The following RPTOR variants were observed in gnomAD, a reference collection of about 807,000 sequenced individuals.
RPTOR encodes regulatory-associated protein of mTOR.
RPTOR carries 21 observed loss-of-function variants against 169.9 expected under a neutral mutation model. The observed-to-expected ratio is 0.12, with a 90% CI of 0.09 to 0.18. The LOEUF is 0.18. Ranked by LOEUF, RPTOR falls within the 10% of genes least tolerant of loss-of-function variation. RPTOR has a pLI of 1.00. For synonymous variants in RPTOR, 732 were observed against 753.2 expected (o/e 0.97, Z 0.46); for missense variants, 1,133 against 1,855.9 (o/e 0.61, Z 7.16).
intron 1 of RPTOR, among the ~76,000 whole-genome samples, chr17:80,589,654 T>G (rs1476135487): frequency 6.6e-6 from 1 of 152,252 alleles, no homozygotes; most frequent in Non-Finnish European, 1.5e-5. Flanking sequence ...GTTAGATATA[T>G]TCCCAGAATT....
intron 14 of RPTOR, among the ~76,000 whole-genome samples, chr17:80,880,889 A>G (rs2068179690): frequency 6.6e-6 from 1 of 152,218 alleles, no homozygotes; most frequent in African/African-American, 2.4e-5. Context: ...GCACAAGAAG[A>G]TATCGAAGCA....
intron 9 of RPTOR, among the ~76,000 whole-genome samples, chr17:80,837,661 G>C (rs974932509): frequency 6.6e-6 from 1 of 152,180 alleles, no homozygotes; most frequent in Non-Finnish European, 1.5e-5. Flanking sequence ...ATTTTAAAGA[G>C]AAAAAATGTG....
intron 21 of RPTOR, among the ~76,000 whole-genome samples, chr17:80,917,350 G>A (rs1169189784): frequency 3.3e-5 from 5 of 152,120 alleles, no homozygotes; most frequent in Non-Finnish European, 2.9e-5. Context: ...CCGACCTCCA[G>A]TGATCCACCT....
At chr17:80,574,756 A>G (rs2064945078) in intron 1 of RPTOR, among the ~76,000 whole-genome samples, 1 of 151,572 alleles carries the variant, frequency 6.6e-6, no homozygotes, top group Non-Finnish European at 1.5e-5. Context: ...CCTGAGCTCA[A>G]GCGGTCTTCC....
chr17:80,746,918 T>G lies in RPTOR; in HGVS notation c.655-7092T>G, dbSNP rs955045193. ...TTTGGCTTGAATGTCAGGATGTTTT[T>G]TAAAAATGCTAGGTTCTGGGTGGGT... On this transcript the variant is annotated intron_variant, in intron 5 of 33. Coordinates refer to ENST00000306801, the MANE Select transcript of RPTOR (RefSeq NM_020761.3). The surrounding 1 kb of genome is among the most constrained non-coding windows in gnomAD (Gnocchi z 4.5). Among the ~76,000 whole-genome samples, 2 of 118,930 alleles carry G rather than the reference T, an allele frequency of 1.7e-5. No individual in the cohort carries two copies. Among genetic ancestry groups the G allele is most frequent in the South Asian group, 6.3e-4 (2 of 3,186 alleles). The allele number at this position is 118,930 out of a possible 152,430, so 78.0% of individuals were successfully genotyped here. A position where few individuals can be genotyped will look rare whatever the true frequency, so the allele number is the denominator to read the frequency against.
At chr17:80,788,639 T>C (rs1476450585) in intron 6 of RPTOR, among the ~76,000 whole-genome samples, 1 of 152,176 alleles carries the variant, frequency 6.6e-6, no homozygotes, top group South Asian at 2.1e-4. Flanking sequence ...CATTGTCTTT[T>C]TAATATTCTT....
intron 3 of RPTOR, among the ~76,000 whole-genome samples, chr17:80,686,709 C>T (rs191081419): frequency 2.4e-3 from 363 of 152,204 alleles, no homozygotes; most frequent in Non-Finnish European, 3.9e-3. Context: ...CTCAAGCACT[C>T]CACTAAATAT....
In RPTOR at chr17:80,962,946, C is replaced by T. The variant is rs2069364856; in HGVS notation, c.3828C>T (p.Phe1276=). The change falls in exon 33 of 34, where the codon TTC becomes TTT. Residue 1276 remains phenylalanine (F), a synonymous_variant. Transcript: ENST00000306801. ...DLIACGSVNQ[F]TAIYNSSGEL... is the part of the protein sequence containing the mutation. ...CCCACAGTGGCTCCGTCAATCAGTT[C>T]ACCGCCATCTACAACAGCAGCGGAG... The T allele has an allele frequency of 1.2e-6, 2 of 1,613,690 alleles. No homozygotes were observed. Among genetic ancestry groups the T allele is most frequent in the Non-Finnish European group, 1.7e-6 (2 of 1,179,966 alleles).
chr17:80,963,912 G>A (rs947861095), intron 33 of RPTOR, among the ~76,000 whole-genome samples: 2 of 152,040 alleles, frequency 1.3e-5, no homozygotes, highest in African/African-American at 2.4e-5. Flanking sequence ...GCTTCAGGCC[G>A]TTGTTTTTAG....
chr17:80,751,392 T>C (rs971449420), intron 5 of RPTOR, among the ~76,000 whole-genome samples: 3 of 152,198 alleles, frequency 2.0e-5, no homozygotes, highest in Non-Finnish European at 4.4e-5. Context: ...GGGGACTCTG[T>C]GTCCTCGTCG....
chr17:80,947,377 T>C lies in RPTOR; in HGVS notation c.3265+26T>C, dbSNP rs751721989. 7 of 1,526,262 alleles carry C rather than the reference T, an allele frequency of 4.6e-6. No homozygotes were observed. The Admixed American group carries it at 6.6e-5, about 14-fold the overall frequency. The allele number at this position is 1,526,262 out of a possible 1,614,324, so 94.5% of individuals were successfully genotyped here. ...GTGAGCGGGGTTTGCACAGCCAGGA[T>C]TGGAAGCCAGGGTCTGGAGGAGTGG... On this transcript the variant is annotated intron_variant, in intron 27 of 33. Transcript: ENST00000306801. This position sits in a 1 kb window ranked among gnomAD's most constrained non-coding sequence, Gnocchi z 4.4.
chr17:80,670,809 C>T lies in RPTOR; in HGVS notation c.348+26999C>T, dbSNP rs182940337. 3.5e-3 allele frequency among the ~76,000 whole-genome samples: 535 copies of T among 152,220 alleles called. 1 individual carries two copies. The highest frequency in any genetic ancestry group is 5.4e-3 in the Non-Finnish European group (365 of 68,002). On this transcript the variant is annotated intron_variant, in intron 3 of 33. Coordinates refer to ENST00000306801, the MANE Select transcript of RPTOR (RefSeq NM_020761.3). ...TAATCAGCCCCCCAACTCCCCCCCA[C>T]ATTCATTTCTGATTACTCTGAAGCA...
intron 20 of RPTOR, among the ~76,000 whole-genome samples, chr17:80,903,276 C>T (rs371090429): frequency 4.6e-5 from 7 of 152,336 alleles, no homozygotes; most frequent in Admixed American, 3.3e-4. Context: ...CACCTGAACA[C>T]GGGATTCTGC....
chr17:80,732,303 G>A (rs1598264249), intron 5 of RPTOR, among the ~76,000 whole-genome samples: 1 of 152,180 alleles, frequency 6.6e-6, no homozygotes, highest in African/African-American at 2.4e-5. Context: ...ATTAAAACAT[G>A]TTAAATAGAG....
intron 9 of RPTOR, among the ~76,000 whole-genome samples, chr17:80,833,353 T>TA (rs1260773904): frequency 6.6e-6 from 1 of 152,184 alleles, no homozygotes; most frequent in Non-Finnish European, 1.5e-5. Context: ...TGGTCACAGC[T>TA]AATCACAGCC....
At chr17:80,889,455 G>A (rs2143859135) in intron 17 of RPTOR, among the ~76,000 whole-genome samples, 1 of 152,326 alleles carries the variant, frequency 6.6e-6, no homozygotes, top group East Asian at 1.9e-4. Context: ...GAGGACCTGG[G>A]AAGCCTGGCC....
At chr17:80,827,373 C>T (rs1382924408) in intron 9 of RPTOR, among the ~76,000 whole-genome samples, 1 of 152,202 alleles carries the variant, frequency 6.6e-6, no homozygotes, top group Non-Finnish European at 1.5e-5. Flanking sequence ...TGGGGCTCAG[C>T]CAGGTTCTCT....
At chr17:80,827,658 G>A (rs192605087) in intron 9 of RPTOR, among the ~76,000 whole-genome samples, 6 of 152,300 alleles carry the variant, frequency 3.9e-5, no homozygotes, top group Non-Finnish European at 7.4e-5. Flanking sequence ...ACCTCAGCTG[G>A]TGAACTGTGC....
chr17:80,857,296 T>C (rs1214391028), intron 12 of RPTOR, among the ~76,000 whole-genome samples: 4 of 152,146 alleles, frequency 2.6e-5, no homozygotes, highest in Non-Finnish European at 5.9e-5. Context: ...TCTCCCAAGG[T>C]GTATCTGAAG....
Sources: gnomAD v4.1 joint callset for allele counts (sites outside exome capture counted in the v4.1 genomes callset) on GRCh38, gnomAD v4.1.1 for gene constraint, Gnocchi (gnomAD v3.1) non-coding constraint, MANE v1.5 for transcripts, NCBI Gene and HGNC (gene_info 2026-07-23, HGNC 2026-07-21) for gene names.